Variants in NEBL observed in about 807,000 individuals in gnomAD.
The protein encoded by NEBL is nebulette, also known as LIM and SH3 protein 2.
A neutral mutation model predicts 140.2 loss-of-function variants in NEBL; 122 were observed. That is an observed-to-expected ratio of 0.87 (90% CI 0.75 to 1.01). The LOEUF (loss-of-function observed/expected upper bound fraction) is 1.01. Among genes scored for constraint, NEBL ranks in the 50% least tolerant of loss-of-function variants. The pLI is 0.00. For missense variants in NEBL, 1,365 were observed against 1,231.3 expected, an observed-to-expected ratio of 1.11 and a Z score of -1.62; for synonymous variants, 436 against 398.9, an observed-to-expected ratio of 1.09 and a Z score of -1.11.
intron 4 of NEBL, among the ~76,000 whole-genome samples, chr10:20,908,622 A>T (rs775046089): frequency 1.3e-5 from 2 of 152,200 alleles, no homozygotes; most frequent in African/African-American, 4.8e-5. Flanking sequence ...CTCAGGGTTT[A>T]TATTTTTTAA....
chr10:21,086,698 G>A lies in NEBL; in HGVS notation c.165-66497C>T, dbSNP rs548010123. Among the ~76,000 whole-genome samples the A allele has an allele frequency of 4.6e-5, 7 of 152,256 alleles. No individual in the cohort carries two copies. The East Asian group carries it at 9.6e-4, about 21-fold the overall frequency. On this transcript the variant is annotated intron_variant, in intron 2 of 6. Transcript: ENST00000417816. ...AAGCCAAGGTGGGTGGATGAGTTAA[G>A]CCAGGGAGGTGGAGGTTGCAGTGAG...
chr10:21,044,168 G>T (rs575258540), intron 2 of NEBL, among the ~76,000 whole-genome samples: 1 of 151,942 alleles, frequency 6.6e-6, no homozygotes, highest in African/African-American at 2.4e-5. Flanking sequence ...AGGCCAAGGC[G>T]GGCGGATCAC....
intron 2 of NEBL, among the ~76,000 whole-genome samples, chr10:21,135,235 A>C (rs1268481361): frequency 6.6e-6 from 1 of 152,224 alleles, no homozygotes. Context: ...ATACAGTAAG[A>C]ATATAGTACA....
intron 24 of NEBL, 37 bp downstream of exon 24, chr10:20,812,732 G>A (rs769874868): frequency 9.3e-6 from 15 of 1,611,120 alleles, no homozygotes; most frequent in Middle Eastern, 1.7e-4. Flanking sequence ...TGATCTTTTC[G>A]ACCACACACA....
chr10:21,131,072 C>CATAG (rs1354191277), intron 2 of NEBL, among the ~76,000 whole-genome samples: 1 of 152,036 alleles, frequency 6.6e-6, no homozygotes, highest in Non-Finnish European at 1.5e-5. Context: ...TTACAGATGC[C>CATAG]ATAGATATTA....
In NEBL at chr10:21,067,927, C is replaced by T. The variant is rs191695215; in HGVS notation, c.165-47726G>A. Among the ~76,000 whole-genome samples the T allele has an allele frequency of 7.2e-4, 109 of 152,126 alleles. 1 individual carries two copies. Among genetic ancestry groups the T allele is most frequent in the African/African-American group, 2.5e-3 (103 of 41,474 alleles). ...GCAGGAGGTCAAGGCTGCAGTGAGC[C>T]GTGACTGCACCATGCACTCCAGCCT... is the stretch of plus-strand genomic sequence containing the variant. On this transcript the variant is annotated intron_variant, in intron 2 of 6. Coordinates refer to the NEBL transcript ENST00000417816.
At position 21,226,140 on chromosome 10, in the gene NEBL, G is replaced by A. The variant is rs185496002; in HGVS notation, n.348+21781C>T. ...GGACTGTGTCCCTCTCTTTAAGGCA[G>A]CAGGTTCCCTTCTGGCCCCCAGTGT... On this transcript the variant is annotated intron_variant and non_coding_transcript_variant, in intron 3 of 8. Transcript: ENST00000675702. Among the ~76,000 whole-genome samples the A allele has an allele frequency of 5.9e-4, 90 of 152,118 alleles. 1 individual carries two copies. Among genetic ancestry groups the A allele is most frequent in the African/African-American group, 2.1e-3 (86 of 41,522 alleles).
intron 2 of NEBL, among the ~76,000 whole-genome samples, chr10:21,141,898 A>G (rs1839647833): frequency 6.6e-6 from 1 of 152,148 alleles, no homozygotes; most frequent in Non-Finnish European, 1.5e-5. Context: ...GTCCAGGATT[A>G]TTCTCCCACT....
chr10:20,896,898 T>C (rs1847545974), intron 2 of NEBL, 60 bp downstream of exon 2: 1 of 1,380,692 alleles, frequency 7.2e-7, no homozygotes, highest in Non-Finnish European at 1.0e-6. Context: ...TATGACTCTA[T>C]AACATAATAA....
chr10:20,795,334 G>C (rs1836403902), intron 26 of NEBL, among the ~76,000 whole-genome samples: 2 of 152,140 alleles, frequency 1.3e-5, no homozygotes, highest in African/African-American at 2.4e-5. Flanking sequence ...TCATTAATTT[G>C]TGTGTATATG....
chr10:21,079,824 T>C (rs1269654014), intron 2 of NEBL, among the ~76,000 whole-genome samples: 3 of 152,236 alleles, frequency 2.0e-5, no homozygotes, highest in African/African-American at 7.2e-5. Context: ...TCATTATTTG[T>C]TCTTTGTACT....
At chr10:21,058,708 G>A (rs1031711496) in intron 2 of NEBL, among the ~76,000 whole-genome samples, 1 of 152,092 alleles carries the variant, frequency 6.6e-6, no homozygotes, top group Non-Finnish European at 1.5e-5. Context: ...TGCATGTAAA[G>A]GTTCACAATT....
At chr10:20,952,922 AAAAG>A (rs1564459615) in intron 4 of NEBL, among the ~76,000 whole-genome samples, 29 of 149,296 alleles carry the variant, frequency 1.9e-4, no homozygotes, top group African/African-American at 6.6e-4. Context: ...AAAAAAAAAA[AAAAG>A]AAAAAGAAAA....
chr10:21,127,934 A>T (rs1276124080), intron 2 of NEBL, among the ~76,000 whole-genome samples: 1 of 152,272 alleles, frequency 6.6e-6, no homozygotes, highest in African/African-American at 2.4e-5. Flanking sequence ...ACTGTGTTAA[A>T]AGGAATTAAG....
At chr10:21,229,877 CATT>C (rs1842221822) in intron 3 of NEBL, among the ~76,000 whole-genome samples, 1 of 152,238 alleles carries the variant, frequency 6.6e-6, no homozygotes, top group African/African-American at 2.4e-5. Flanking sequence ...GGGAGCCTGA[CATT>C]ATCAGAAATC....
intron 3 of NEBL, among the ~76,000 whole-genome samples, chr10:21,018,796 G>A (rs1391356760): frequency 2.6e-5 from 4 of 152,172 alleles, no homozygotes; most frequent in South Asian, 2.1e-4. Context: ...TTGGGAGGCC[G>A]AGGCAGGTGG....
rs189376750 is a variant in NEBL at position 20,792,525 on chromosome 10, G to A, written c.2762-5217C>T. 5.1e-3 allele frequency among the ~76,000 whole-genome samples: 772 copies of A among 152,218 alleles called. 7 individuals are homozygous for A. The highest frequency in any genetic ancestry group is 0.018 in the African/African-American group (734 of 41,538). ...GTTAAATCCTGTCTAGTCCTGGCCGGGCATGGTGGCTCACGCCTGTAATCC... is the reference window on the plus strand; with the variant it reads ...GTTAAATCCTGTCTAGTCCTGGCCGAGCATGGTGGCTCACGCCTGTAATCC... On this transcript the variant is annotated intron_variant, in intron 26 of 27. Transcript: ENST00000377122.
intron 4 of NEBL, among the ~76,000 whole-genome samples, chr10:20,931,562 T>G (rs4748739): frequency 0.64 from 97,736 of 152,048 alleles, 31,697 homozygotes; most frequent in Non-Finnish European, 0.67. Flanking sequence ...GCGCCATGGC[T>G]GTGGCCTGGA....
At chr10:21,134,001 C>T (rs144385619) in intron 2 of NEBL, among the ~76,000 whole-genome samples, 268 of 152,178 alleles carry the variant, frequency 1.8e-3, no homozygotes, top group African/African-American at 5.9e-3. Flanking sequence ...CTGAGGTAGG[C>T]GGATCACTGG....
Sources: gnomAD v4.1 joint callset for allele counts (sites outside exome capture counted in the v4.1 genomes callset) on GRCh38, gnomAD v4.1.1 for gene constraint, MANE v1.5 for transcripts, NCBI Gene and HGNC (gene_info 2026-07-23, HGNC 2026-07-21) for gene names.